The following PTK2 variants were observed in gnomAD, a reference collection of about 807,000 sequenced individuals.
PTK2 encodes focal adhesion kinase 1.
In PTK2, 45 loss-of-function variants were observed where a neutral mutation model predicts 150.1. The observed-to-expected ratio is 0.30, with a 90% CI of 0.24 to 0.38. PTK2 has a LOEUF of 0.38. Ranked by LOEUF, PTK2 falls within the 10% of genes least tolerant of loss-of-function variation. PTK2 has a pLI of 1.00. For missense variants in PTK2, 919 were observed against 1,307.3 expected, an observed-to-expected ratio of 0.70 and a Z score of 4.58; for synonymous variants, 432 against 449.2, an observed-to-expected ratio of 0.96 and a Z score of 0.48.
chr8:140,945,044 G>A (rs1174725876), intron 1 of PTK2, among the ~76,000 whole-genome samples: 9 of 152,198 alleles, frequency 5.9e-5, no homozygotes, highest in East Asian at 1.9e-4. Flanking sequence ...GGCCAAACAC[G>A]GAGCAGCTTC....
At chr8:140,803,258 A>G (rs1051420543) in intron 11 of PTK2, among the ~76,000 whole-genome samples, 2 of 151,958 alleles carry the variant, frequency 1.3e-5, no homozygotes, top group African/African-American at 2.4e-5. Context: ...TTGGCCTCCC[A>G]AAGTGCTGGG....
chr8:140,665,805 G>GT (rs1208344330), intron 30 of PTK2, among the ~76,000 whole-genome samples: 1 of 152,152 alleles, frequency 6.6e-6, no homozygotes, highest in African/African-American at 2.4e-5. Flanking sequence ...TAAAATCTTA[G>GT]TATGTACAAA....
At chr8:140,974,243 C>T (rs933410312) in intron 1 of PTK2, among the ~76,000 whole-genome samples, 29 of 152,118 alleles carry the variant, frequency 1.9e-4, no homozygotes, top group Admixed American at 1.5e-3. Flanking sequence ...CATGACAGCA[C>T]GATTTAGGGA....
chr8:140,820,075 G>GTTTTTTTT (rs1477006274), intron 8 of PTK2, among the ~76,000 whole-genome samples: 2 of 49,100 alleles, frequency 4.1e-5, no homozygotes, highest in East Asian at 6.9e-4. Flanking sequence ...ATCTGACTTT[G>GTTTTTTTT]GTTTTTTTTT....
intron 8 of PTK2, among the ~76,000 whole-genome samples, chr8:140,819,658 G>GA (rs2100106973): frequency 6.6e-6 from 1 of 152,132 alleles, no homozygotes; most frequent in Non-Finnish European, 1.5e-5. Flanking sequence ...ATTGTTACAT[G>GA]AAAAAAGATG....
chr8:140,936,188 C>A (rs1048270608), intron 1 of PTK2, among the ~76,000 whole-genome samples: 1 of 152,032 alleles, frequency 6.6e-6, no homozygotes, highest in African/African-American at 2.4e-5. Context: ...TAGGTCAGAA[C>A]CTTCTAGTTT....
chr8:140,737,903 C>A (rs1399890334), intron 21 of PTK2, among the ~76,000 whole-genome samples: 2 of 152,184 alleles, frequency 1.3e-5, no homozygotes, highest in Non-Finnish European at 1.5e-5. Context: ...GACTTCAGAG[C>A]TTTTTCTAAT....
At chr8:140,717,634 G>C in exon 23 of PTK2, 1 of 1,614,048 alleles carries the variant, frequency 6.2e-7, no homozygotes, top group South Asian at 1.1e-5. Context: ...CGGAGTCCCA[G>C]GACACTGTGG....
intron 7 of PTK2, among the ~76,000 whole-genome samples, chr8:140,831,374 C>A (rs2100115293): frequency 6.6e-6 from 1 of 152,142 alleles, no homozygotes; most frequent in Non-Finnish European, 1.5e-5. Context: ...AAGGGAAATA[C>A]AGGTATCTTT....
chr8:140,745,954 C>T (rs555761042), intron 18 of PTK2, among the ~76,000 whole-genome samples: 49 of 149,986 alleles, frequency 3.3e-4, no homozygotes, highest in South Asian at 1.9e-3. Context: ...GGGCTGAGAT[C>T]GCGCCATTGC....
chr8:140,871,596 T>G (rs539358335), intron 4 of PTK2, among the ~76,000 whole-genome samples: 1 of 152,264 alleles, frequency 6.6e-6, no homozygotes, highest in African/African-American at 2.4e-5. Context: ...CCCAGGAGCT[T>G]GAGATCAGCC....
chr8:140,805,351 G>C (rs1170510700), intron 10 of PTK2, among the ~76,000 whole-genome samples: 1 of 152,034 alleles, frequency 6.6e-6, no homozygotes, highest in Admixed American at 6.5e-5. Context: ...ACGAGGTCAG[G>C]AGATTGAGAC....
chr8:140,990,659 T>C (rs1195239191), intron 1 of PTK2, among the ~76,000 whole-genome samples: 1 of 152,212 alleles, frequency 6.6e-6, no homozygotes, highest in Non-Finnish European at 1.5e-5. Context: ...GAAATTCATG[T>C]GGAAACATCC....
intron 2 of PTK2, among the ~76,000 whole-genome samples, chr8:140,913,940 C>T (rs1667856486): frequency 6.6e-6 from 1 of 152,102 alleles, no homozygotes; most frequent in African/African-American, 2.4e-5. Context: ...CGTGGAAAAT[C>T]AACCAAAGGT....
intron 14 of PTK2, 118 bp from the exon 16 acceptor site, chr8:140,769,710 G>T (rs983188336): frequency 5.4e-6 from 3 of 560,192 alleles, no homozygotes; most frequent in Non-Finnish European, 8.3e-6. Context: ...AAACCAAAGT[G>T]TAAGAAAAAT....
At chr8:140,907,547 C>T (rs1405717545) in intron 2 of PTK2, among the ~76,000 whole-genome samples, 3 of 152,026 alleles carry the variant, frequency 2.0e-5, no homozygotes, top group East Asian at 1.9e-4. Flanking sequence ...CATCCAACTG[C>T]CTTTTTTTTA....
At chr8:140,853,601 T>C (rs375683673) in intron 5 of PTK2, among the ~76,000 whole-genome samples, 22 of 152,230 alleles carry the variant, frequency 1.4e-4, no homozygotes, top group East Asian at 1.2e-3. Flanking sequence ...TGATGGACAT[T>C]TGGGTTGGTT....
intron 1 of PTK2, among the ~76,000 whole-genome samples, chr8:140,943,547 G>A (rs1449150462): frequency 6.6e-6 from 1 of 152,128 alleles, no homozygotes; most frequent in Admixed American, 6.5e-5. Flanking sequence ...TCACATAGAG[G>A]TCATTGTAAG....
intron 11 of PTK2, among the ~76,000 whole-genome samples, chr8:140,801,822 T>C (rs1464080032): frequency 6.6e-6 from 1 of 152,182 alleles, no homozygotes; most frequent in Non-Finnish European, 1.5e-5. Context: ...TGGTCAATGA[T>C]GGTCCGCATA....
Sources: allele counts gnomAD v4.1 joint callset (sites outside exome capture counted in the v4.1 genomes callset), GRCh38; gene constraint gnomAD v4.1.1; transcripts MANE v1.5; gene names NCBI Gene and HGNC (gene_info 2026-07-23, HGNC 2026-07-21).